The following GEN1 variants were observed in gnomAD, a reference collection of about 807,000 sequenced individuals.
GEN1 encodes the protein GEN1 structure-specific endonuclease, also known as flap endonuclease GEN homolog 1.
GEN1 carries 64 observed loss-of-function variants against 67.6 expected under a neutral mutation model. The ratio of observed to expected loss-of-function variants is 0.95; its 90% CI spans 0.77 to 1.17. The LOEUF is 1.17. Among genes scored for constraint, GEN1 ranks in the 50% most tolerant of loss-of-function variants. The pLI, the probability that GEN1 is intolerant of heterozygous loss-of-function variation, is 0.00. For synonymous variants in GEN1, 371 were observed against 359.4 expected (o/e 1.03, Z -0.37); for missense variants, 1,058 against 1,048.3 (o/e 1.01, Z -0.13).
intron 6 of GEN1, among the ~76,000 whole-genome samples, chr2:17,770,924 A>G (rs1197436050): frequency 6.6e-6 from 1 of 151,414 alleles, no homozygotes; most frequent in Non-Finnish European, 1.5e-5. Flanking sequence ...ATATATATAT[A>G]TACAATTTTT....
chr2:17,767,327 A>G (rs904808994), intron 5 of GEN1, among the ~76,000 whole-genome samples: 3 of 152,184 alleles, frequency 2.0e-5, no homozygotes, highest in Non-Finnish European at 4.4e-5. Flanking sequence ...CTTACTATGT[A>G]GTTCCCTTAT....
At position 17,780,993 on chromosome 2, in the gene GEN1, C is replaced by G. The variant is rs1672802770; in HGVS notation, c.1781C>G (p.Ser594Cys). ...HLSTIDWEGT[S>C]FSNSPAIQRN... is the part of the protein sequence containing the mutation. ...AGCACTATTGACTGGGAAGGTACTT[C>G]TTTTAGTAATTCTCCAGCTATTCAA... Residue 594 changes from serine (S) to cysteine (C), a missense_variant, in exon 14 of 14, where the codon TCT becomes TGT. Physicochemically the swap from Ser to Cys is moderately radical, Grantham distance 112 (BLOSUM62 -1). Coordinates refer to ENST00000381254, the MANE Select transcript of GEN1 (RefSeq NM_001130009.3). 6.2e-7 allele frequency: 1 copy of G among 1,613,414 alleles called. No individual in the cohort carries two copies. The highest frequency in any genetic ancestry group is 1.1e-5 in the South Asian group (1 of 91,042).
At chr2:17,772,515 C>A in intron 7 of GEN1, 119 bp from the exon 8 acceptor site, 1 of 695,600 alleles carries the variant, frequency 1.4e-6, no homozygotes, top group South Asian at 2.3e-5. Flanking sequence ...TTTCTATATG[C>A]TAGGTAGTGT....
At chr2:17,770,314 T>A (rs552862120) in intron 6 of GEN1, among the ~76,000 whole-genome samples, 1 of 152,176 alleles carries the variant, frequency 6.6e-6, no homozygotes, top group Admixed American at 6.5e-5. Context: ...TTATTTTTAA[T>A]TTTTGCCGTG....
rs1673012483 is a variant in GEN1 at position 17,785,071 on chromosome 2, G to T, written c.*3132G>T. The T allele has an allele frequency of 6.6e-6, 1 of 152,210 alleles. No homozygotes were observed. Among genetic ancestry groups the T allele is most frequent in the African/African-American group, 2.4e-5 (1 of 41,456 alleles). 9.4% of individuals were successfully genotyped at this position (152,210 alleles called of 1,614,324 possible). A position where few individuals can be genotyped will look rare whatever the true frequency, so the allele number is the denominator to read the frequency against. ...ACCCTATTGTGAACTACGCATGCGA[G>T]GATCTAGTTTGTGCACTCCTACTGA... is the stretch of plus-strand genomic sequence containing the variant. On this transcript the variant is annotated 3_prime_UTR_variant, in exon 14 of 14. Transcript: ENST00000381254.
rs760979116 is a variant in GEN1, at chr2:17,761,449, T to C, written c.215T>C (p.Phe72Ser). The C allele has an allele frequency of 3.1e-6, 5 of 1,612,190 alleles. No homozygotes were observed. The highest frequency in any genetic ancestry group is 1.3e-5 in the African/African-American group (1 of 74,982). The change falls in exon 3 of 14, where the codon TTT (phenylalanine) becomes TCT (serine). Residue 72 changes from phenylalanine (F) to serine (S), a missense_variant. Physicochemically the swap from Phe to Ser is radical, Grantham distance 155 (BLOSUM62 -2). Transcript: ENST00000381254. Reference sequence around the variant, plus strand: ...ACACAAATGGATGTAAAACTGGTATTTGTTATGGAAGGGGAACCACCAAAG... The same window carrying C: ...ACACAAATGGATGTAAAACTGGTATCTGTTATGGAAGGGGAACCACCAAAG... Reference protein sequence around the residue: ...YLTQMDVKLVFVMEGEPPKLK... With the variant: ...YLTQMDVKLVSVMEGEPPKLK...
At chr2:17,764,266 A>G (rs1454606511) in intron 3 of GEN1, among the ~76,000 whole-genome samples, 3 of 152,226 alleles carry the variant, frequency 2.0e-5, no homozygotes, top group Admixed American at 6.5e-5. Context: ...AAAAAATGCA[A>G]ACATTAAAAT....
intron 1 of GEN1, among the ~76,000 whole-genome samples, chr2:17,757,246 CTTTTT>C (rs74754657): frequency 7.8e-6 from 1 of 127,704 alleles, no homozygotes; most frequent in African/African-American, 2.8e-5. Context: ...CAGTGCTGGA[CTTTTT>C]TTTTTTTTTT....
At position 17,778,010 on chromosome 2, in the gene GEN1, A is replaced by C; in HGVS notation, c.1211A>C (p.Lys404Thr). 1 of 1,586,540 alleles carries C rather than the reference A, an allele frequency of 6.3e-7. No homozygotes were observed. Among genetic ancestry groups the C allele is most frequent in the Non-Finnish European group, 8.6e-7 (1 of 1,156,912 alleles). The change falls in exon 12 of 14, where the codon AAG becomes ACG. Residue 404 changes from lysine (K) to threonine (T), a missense_variant. Lys to Thr is a moderately conservative substitution (Grantham distance 78). Transcript: ENST00000381254. ...ATGAATTTGTTTTTCAGAATTGTTA[A>C]GACTCGAATCAGAAATGGAGTTCAT... ...SNQLQPIRIV[K>T]TRIRNGVHCF...
At chr2:17,757,814 T>A (rs1279701097) in intron 1 of GEN1, among the ~76,000 whole-genome samples, 1 of 152,210 alleles carries the variant, frequency 6.6e-6, no homozygotes, top group Non-Finnish European at 1.5e-5. Context: ...CTAAAAAGAT[T>A]TCTGGTTTAT....
rs1672900684 is a variant in GEN1, at chr2:17,782,676, A to G, written c.*737A>G. ...TATCGGGTGGAAAAAGATTTGGAAA[A>G]TCAAATGTATAACCAAAAGGATTAG... On this transcript the variant is annotated 3_prime_UTR_variant, in exon 14 of 14. Transcript: ENST00000381254. The G allele has an allele frequency of 6.6e-6, 1 of 152,242 alleles. No individual in the cohort carries two copies. Among genetic ancestry groups the G allele is most frequent in the Non-Finnish European group, 1.5e-5 (1 of 68,030 alleles). 9.4% of individuals were successfully genotyped at this position (152,242 alleles called of 1,614,324 possible).
In GEN1 at chr2:17,784,339, T is replaced by G. The variant is rs938390808; in HGVS notation, c.*2400T>G. 6.6e-6 allele frequency: 1 copy of G among 152,158 alleles called. No homozygotes were observed. Among genetic ancestry groups the G allele is most frequent in the Non-Finnish European group, 1.5e-5 (1 of 68,016 alleles). The allele number at this position is 152,158 out of a possible 1,614,324, so 9.4% of individuals were successfully genotyped here. ...AGTATTGATGAGGATGTGGAGAAAT[T>G]GAAATTCTCATAACATGCTGGTAGG... is the stretch of plus-strand genomic sequence containing the variant. On this transcript the variant is annotated 3_prime_UTR_variant, in exon 14 of 14. Coordinates refer to ENST00000381254, the MANE Select transcript of GEN1 (RefSeq NM_001130009.3).
chr2:17,778,136 G>GTA, intron 12 of GEN1, 73 bp downstream of exon 12: 3 of 580,720 alleles, frequency 5.2e-6, no homozygotes, highest in Non-Finnish European at 9.2e-6. Context: ...TATTGTATAT[G>GTA]TGTATATATA....
chr2:17,762,890 G>A (rs150475031), intron 3 of GEN1, among the ~76,000 whole-genome samples: 49 of 152,232 alleles, frequency 3.2e-4, no homozygotes, highest in Admixed American at 6.5e-4. Context: ...AAGCAGTGTC[G>A]GTGCACTCAC....
chr2:17,781,514 G>A lies in GEN1; in HGVS notation c.2302G>A (p.Val768Ile), dbSNP rs1672835110. The change falls in exon 14 of 14, where the codon GTT becomes ATT. Residue 768 changes from valine to isoleucine, a missense_variant. By Grantham distance (29) the Val-to-Ile change is conservative. Coordinates refer to ENST00000381254, the MANE Select transcript of GEN1 (RefSeq NM_001130009.3). The stretch of plus-strand genomic sequence containing the variant: ...TAACACAGTGGTAAAGACCTGCAAT[G>A]TTAGACCACCAAATACTGCTTTAGA... ...VSNTVVKTCN[V>I]RPPNTALDHS... 6.2e-7 allele frequency: 1 copy of A among 1,613,680 alleles called. No homozygotes were observed. The highest frequency in any genetic ancestry group is 1.1e-5 in the South Asian group (1 of 91,076).
At chr2:17,760,127 A>G in intron 2 of GEN1, 23 bp downstream of exon 2, 1 of 1,606,450 alleles carries the variant, frequency 6.2e-7, no homozygotes, top group Non-Finnish European at 8.5e-7. Flanking sequence ...CTCTTACAGT[A>G]TAAATGTATG....
rs999167800 is a variant in GEN1 at position 17,781,119 on chromosome 2, C to T, written c.1907C>T (p.Ser636Leu). Residue 636 changes from serine to leucine, a missense_variant, in exon 14 of 14, where the codon TCA (serine) becomes TTA (leucine). By Grantham distance (145) the Ser-to-Leu change is moderately radical. Transcript: ENST00000381254. ...ATCCCAGAACAACTGTCCTGTGAAT[C>T]AGAAAGGTACACTGCAAACATAAAG... The part of the protein sequence containing the change: ...ENIPEQLSCE[S>L]ERYTANIKKV... 1.1e-5 allele frequency: 18 copies of T among 1,613,668 alleles called. No homozygotes were observed. The highest frequency in any genetic ancestry group is 1.5e-5 in the Non-Finnish European group (18 of 1,179,652).
At chr2:17,777,568 C>T (rs1007096343) in intron 11 of GEN1, among the ~76,000 whole-genome samples, 9 of 152,010 alleles carry the variant, frequency 5.9e-5, no homozygotes, top group Non-Finnish European at 1.3e-4. Flanking sequence ...AAAATGTAAG[C>T]AGATTAAACT....
intron 3 of GEN1, 121 bp from the exon 4 acceptor site, chr2:17,764,776 G>A (rs1329295850): frequency 9.7e-5 from 85 of 873,422 alleles, no homozygotes; most frequent in Non-Finnish European, 1.1e-4. Flanking sequence ...CTTAAATATC[G>A]TAATTTTTAA....
Sources: allele counts gnomAD v4.1 joint callset (sites outside exome capture counted in the v4.1 genomes callset), GRCh38; gene constraint gnomAD v4.1.1; transcripts MANE v1.5; gene names NCBI Gene and HGNC (gene_info 2026-07-23, HGNC 2026-07-21).